The following CD36 variants were observed in gnomAD, a reference collection of about 807,000 sequenced individuals.
The protein encoded by CD36 is CD36 molecule (CD36 blood group).
In CD36, 119 loss-of-function variants were observed where a neutral mutation model predicts 55.2. The observed-to-expected ratio is 2.15, with a 90% CI of 1.86 to 2.51. The LOEUF is 2.51. CD36 is among the 30% of genes most tolerant of loss of function. The probability of loss-of-function intolerance (pLI) is 0.00; values close to 1 mark genes in which losing one functional copy is unlikely to be tolerated. For synonymous variants in CD36, 186 were observed against 193.6 expected, an observed-to-expected ratio of 0.96 and a Z score of 0.33; for missense variants, 819 against 555.5, an observed-to-expected ratio of 1.47 and a Z score of -4.77.
chr7:80,633,859 G>C (rs1794229858), upstream of CD36, among the ~76,000 whole-genome samples: 1 of 151,924 alleles, frequency 6.6e-6, no homozygotes, highest in African/African-American at 2.4e-5. Context: ...TAGTTCATAG[G>C]TCAATAGAAT....
intron 12 of CD36, 195 bp from the exon 13 acceptor site, chr7:80,673,160 G>A: frequency 2.0e-6 from 1 of 505,828 alleles, no homozygotes; most frequent in African/African-American, 2.0e-5. Flanking sequence ...CCACACTTGT[G>A]AAAAAAAATC....
chr7:80,670,771 T>A, intron 9 of CD36: 1 of 561,742 alleles, frequency 1.8e-6, no homozygotes, highest in Middle Eastern at 4.8e-4. Flanking sequence ...TAAATAAACA[T>A]GGTACTTCAC....
chr7:80,635,953 G>A (rs1329011744), upstream of CD36, among the ~76,000 whole-genome samples: 1 of 152,120 alleles, frequency 6.6e-6, no homozygotes, highest in Non-Finnish European at 1.5e-5. Flanking sequence ...TAGGGGTTCA[G>A]TGGTGAATTA....
rs1795205716 is a variant in CD36 at position 80,646,850 on chromosome 7, CAATT to C, written c.113_116del (p.Ile38LysfsTer38). On this transcript the variant is annotated frameshift_variant, in exon 3 of 15. Transcript: ENST00000447544. LOFTEE classifies it high-confidence loss of function. ...GTTGGAGACCTGCTTATCCAGAAGACAATTAAAAAGGTACAAGTAGTCCAAAGAA... is the reference window on the plus strand; with the variant it reads ...GTTGGAGACCTGCTTATCCAGAAGACAAAAAGGTACAAGTAGTCCAAAGAA... 1.2e-6 allele frequency: 2 copies of C among 1,613,834 alleles called. No homozygotes were observed. Among genetic ancestry groups the C allele is most frequent in the Middle Eastern group, 3.3e-4 (2 of 6,050 alleles).
In CD36 at chr7:80,656,669, CAAGTT is replaced by C. The variant is rs1392891937; in HGVS notation, c.254_258del (p.Val85AlafsTer22). On this transcript the variant is annotated frameshift_variant, in exon 4 of 15. Coordinates refer to ENST00000447544, the MANE Select transcript of CD36 (RefSeq NM_001001548.3). LOFTEE classifies it high-confidence loss of function. ...AGTGATGATGAACAGCAGCAACATT[CAAGTT>C]AAGCAAAGAGGTCCTTATACGTACA... The C allele has an allele frequency of 6.2e-7, 1 of 1,613,652 alleles. No homozygotes were observed. Among genetic ancestry groups the C allele is most frequent in the Admixed American group, 1.7e-5 (1 of 59,992 alleles).
intron 7 of CD36, among the ~76,000 whole-genome samples, chr7:80,664,957 TAAATGTGTCTATA>T (rs920334720): frequency 1.6e-4 from 24 of 152,126 alleles, no homozygotes; most frequent in African/African-American, 5.5e-4. Flanking sequence ...TGGCATGACC[TAAATGTGTCTATA>T]AAGATGGAAG....
intron 1 of CD36, among the ~76,000 whole-genome samples, chr7:80,629,565 C>A (rs1437681366): frequency 6.6e-6 from 1 of 152,000 alleles, no homozygotes; most frequent in East Asian, 1.9e-4. Flanking sequence ...GGAAACTAAC[C>A]AGCCAAGCAA....
chr7:80,602,711 C>A (rs368312992), intron 1 of CD36, among the ~76,000 whole-genome samples: 5 of 152,030 alleles, frequency 3.3e-5, no homozygotes, highest in African/African-American at 1.2e-4. Flanking sequence ...TGTAATTGTA[C>A]CTGAAACTTC....
At chr7:80,623,941 T>G (rs1793609765) in intron 1 of CD36, 1 of 152,188 alleles carries the variant, frequency 6.6e-6, no homozygotes, top group Non-Finnish European at 1.5e-5. Flanking sequence ...CTGGAGAGGT[T>G]AACAAACACT....
chr7:80,658,524 G>A (rs1010651069), intron 4 of CD36, among the ~76,000 whole-genome samples: 1 of 152,082 alleles, frequency 6.6e-6, no homozygotes, highest in Non-Finnish European at 1.5e-5. Flanking sequence ...GCAAGGTCTT[G>A]TTCTGTCACC....
At chr7:80,673,553 T>C (rs1797941027) in intron 13 of CD36, 144 bp downstream of exon 13, 4 of 651,046 alleles carry the variant, frequency 6.1e-6, no homozygotes, top group Admixed American at 2.6e-5. Context: ...TTTAACCTAT[T>C]TGAGATGATC....
rs540545559 is a variant in CD36 at position 80,676,819 on chromosome 7, T to A, written c.*436T>A. 1 of 152,164 alleles carries A rather than the reference T, an allele frequency of 6.6e-6. No individual in the cohort carries two copies. The highest frequency in any genetic ancestry group is 1.5e-5 in the Non-Finnish European group (1 of 67,984). The allele number at this position is 152,164 out of a possible 1,614,324, so 9.4% of individuals were successfully genotyped here. On this transcript the variant is annotated 3_prime_UTR_variant, in exon 15 of 15. Transcript: ENST00000447544. ...TGAGTAAATTTTGCTTTTTTTTTTT[T>A]ACTCAGTTGCAACTTACGCTTGGCA...
chr7:80,639,077 G>A (rs1362466325), intron 1 of CD36, among the ~76,000 whole-genome samples: 2 of 152,016 alleles, frequency 1.3e-5, no homozygotes, highest in Non-Finnish European at 2.9e-5. Flanking sequence ...TATACATGAT[G>A]TTTAAATGAT....
In CD36 at chr7:80,673,371, A is replaced by T; in HGVS notation, c.1216A>T (p.Lys406Ter). 6.5e-7 allele frequency: 1 copy of T among 1,545,586 alleles called. No individual in the cohort carries two copies. Residue 406 changes from lysine to a stop codon, truncating the protein, a stop_gained, in exon 13 of 15, where the codon AAG becomes TAG. Coordinates refer to ENST00000447544, the MANE Select transcript of CD36 (RefSeq NM_001001548.3). LOFTEE classifies it high-confidence loss of function. ...ATATTACAGAGTATTAAAGAATCTG[A>T]AGAGGAACTATATTGTGCCTATTCT... ...SEKIQVLKNLKRNYIVPILWL... is the reference protein window; with the variant it reads ...SEKIQVLKNL
chr7:80,642,127 T>C (rs1187048358), intron 1 of CD36, among the ~76,000 whole-genome samples: 1 of 152,120 alleles, frequency 6.6e-6, no homozygotes, highest in Non-Finnish European at 1.5e-5. Context: ...CGTCTTCTTA[T>C]TTTCCCTTTC....
chr7:80,670,457 C>T (rs1378753157), intron 9 of CD36: 5 of 223,350 alleles, frequency 2.2e-5, no homozygotes, highest in African/African-American at 1.2e-4. Flanking sequence ...CATTTAACAT[C>T]TCTGAATTTT....
At chr7:80,612,413 T>A (rs1265787213) in intron 1 of CD36, among the ~76,000 whole-genome samples, 2 of 152,224 alleles carry the variant, frequency 1.3e-5, no homozygotes, top group African/African-American at 4.8e-5. Flanking sequence ...AAATTATGCC[T>A]TTGGCATATA....
intron 4 of CD36, among the ~76,000 whole-genome samples, chr7:80,659,421 AAT>A (rs1796352637): frequency 6.6e-6 from 1 of 152,220 alleles, no homozygotes; most frequent in Non-Finnish European, 1.5e-5. Flanking sequence ...AAGATGCTGT[AAT>A]TCCTTCAGAA....
intron 13 of CD36, 23 bp from the exon 14 acceptor site, chr7:80,673,960 G>GTTGA: frequency 6.3e-7 from 1 of 1,596,146 alleles, no homozygotes; most frequent in Non-Finnish European, 8.6e-7. Flanking sequence ...CCCAAATAAT[G>GTTGA]TTGATTATTA....
Sources: allele counts gnomAD v4.1 joint callset (sites outside exome capture counted in the v4.1 genomes callset), GRCh38; gene constraint gnomAD v4.1.1; transcripts MANE v1.5; gene names NCBI Gene and HGNC (gene_info 2026-07-23, HGNC 2026-07-21).